Variants in KCNMB2 observed in about 807,000 individuals in gnomAD.
KCNMB2 encodes the protein calcium-activated potassium channel subunit beta-2.
KCNMB2 carries 9 observed loss-of-function variants against 24.5 expected under a neutral mutation model. That is an observed-to-expected ratio of 0.37 (90% CI 0.22 to 0.64). The LOEUF is 0.64. Among genes scored for constraint, KCNMB2 ranks in the 30% least tolerant of loss-of-function variants. KCNMB2 has a pLI of 0.63. For missense variants in KCNMB2, 226 were observed against 284.3 expected (o/e 0.79, Z 1.47); for synonymous variants, 109 against 104.4 (o/e 1.04, Z -0.27).
At chr3:178,656,201 A>G (rs1459492055) in intron 1 of KCNMB2, among the ~76,000 whole-genome samples, 1 of 152,198 alleles carries the variant, frequency 6.6e-6, no homozygotes, top group African/African-American at 2.4e-5. Flanking sequence ...TTCTTCTGAG[A>G]TATCTTCACA....
intron 1 of KCNMB2, among the ~76,000 whole-genome samples, chr3:178,775,762 T>C (rs1457507335): frequency 1.3e-5 from 2 of 152,080 alleles, no homozygotes; most frequent in Non-Finnish European, 2.9e-5. Context: ...TTTGCTTGAG[T>C]TTTGACACAG....
At position 178,755,850 on chromosome 3, in the gene KCNMB2, ATAT is replaced by A. The variant is rs1724013067; in HGVS notation, c.-67-51489_-67-51487del. Among the ~76,000 whole-genome samples, 7 of 152,342 alleles carry A rather than the reference ATAT, an allele frequency of 4.6e-5. No homozygotes were observed. The South Asian group carries it at 1.5e-3, about 32-fold the overall frequency. On this transcript the variant is annotated intron_variant, in intron 1 of 4. Transcript: ENST00000452583. Reference sequence around the variant, plus strand: ...TTTCAAAATTAGCCACATGCCTAAAATATTATATTTCAAGTCACCCAAGGCAGA... The same window carrying A: ...TTTCAAAATTAGCCACATGCCTAAAATATATTTCAAGTCACCCAAGGCAGA...
chr3:178,591,983 A>G (rs940333253), intron 1 of KCNMB2, among the ~76,000 whole-genome samples: 7 of 152,104 alleles, frequency 4.6e-5, no homozygotes, highest in Non-Finnish European at 8.8e-5. Flanking sequence ...TTTGGTGAAA[A>G]TTACTGAATA....
intron 1 of KCNMB2, among the ~76,000 whole-genome samples, chr3:178,757,761 TA>T (rs1724186669): frequency 1.1e-5 from 1 of 89,062 alleles, no homozygotes; most frequent in African/African-American, 3.4e-5. Flanking sequence ...AGAGGATATA[TA>T]TATATATCCA....
chr3:178,828,152 G>A, intron 3 of KCNMB2, 26 bp from the exon 4 acceptor site: 2 of 1,584,042 alleles, frequency 1.3e-6, no homozygotes, highest in Non-Finnish European at 8.7e-7. Flanking sequence ...TTGGGCCTGT[G>A]TTTACTCTCA....
intron 1 of KCNMB2, among the ~76,000 whole-genome samples, chr3:178,780,084 T>C (rs1294511221): frequency 2.0e-5 from 3 of 149,432 alleles, no homozygotes; most frequent in Non-Finnish European, 4.4e-5. Context: ...CACTATGAAA[T>C]TATGGGTTAA....
At chr3:178,739,280 T>G (rs1723418985) in intron 1 of KCNMB2, among the ~76,000 whole-genome samples, 1 of 152,104 alleles carries the variant, frequency 6.6e-6, no homozygotes, top group African/African-American at 2.4e-5. Context: ...CCTGCCCGCC[T>G]CAAGTGATAA....
At chr3:178,558,976 G>A (rs1166583140) in intron 1 of KCNMB2, 5 of 152,212 alleles carry the variant, frequency 3.3e-5, no homozygotes, top group East Asian at 3.8e-4. Context: ...AGGGCAGCAC[G>A]CGCTGTGGGT....
At chr3:178,686,232 T>G (rs1482324666) in intron 1 of KCNMB2, among the ~76,000 whole-genome samples, 1 of 152,196 alleles carries the variant, frequency 6.6e-6, no homozygotes, top group Non-Finnish European at 1.5e-5. Flanking sequence ...GCATACACAT[T>G]TATTTAATAA....
intron 1 of KCNMB2, among the ~76,000 whole-genome samples, chr3:178,615,917 C>G (rs1205037411): frequency 2.0e-5 from 3 of 152,106 alleles, no homozygotes; most frequent in Admixed American, 1.3e-4. Flanking sequence ...TCCTTTCCTT[C>G]AAGGCAGTGG....
At chr3:178,740,168 G>A (rs1036809209) in intron 1 of KCNMB2, among the ~76,000 whole-genome samples, 3 of 151,538 alleles carry the variant, frequency 2.0e-5, no homozygotes, top group Admixed American at 1.3e-4. Context: ...GCCCAGGCTG[G>A]AGTGCAATGG....
intron 2 of KCNMB2, chr3:178,820,675 C>T (rs1168566518): frequency 6.6e-6 from 1 of 152,610 alleles, no homozygotes; most frequent in East Asian, 1.9e-4. Flanking sequence ...CAAGAAACTA[C>T]ATAAAAGGAG....
chr3:178,739,862 G>A (rs570262465), intron 1 of KCNMB2, among the ~76,000 whole-genome samples: 2 of 152,154 alleles, frequency 1.3e-5, no homozygotes, highest in Non-Finnish European at 2.9e-5. Context: ...ATTATGCTAG[G>A]TCAGTGGGAA....
chr3:178,691,983 T>G (rs773467668), intron 1 of KCNMB2, among the ~76,000 whole-genome samples: 10 of 152,234 alleles, frequency 6.6e-5, no homozygotes, highest in Admixed American at 1.3e-4. Flanking sequence ...GTGGTTTTGA[T>G]TTCATTTCTC....
intron 1 of KCNMB2, among the ~76,000 whole-genome samples, chr3:178,802,138 AAAC>A (rs1713796600): frequency 6.6e-6 from 1 of 152,182 alleles, no homozygotes; most frequent in South Asian, 2.1e-4. Context: ...CCTGAAGCCA[AAAC>A]AACTCAGTTC....
intron 4 of KCNMB2, among the ~76,000 whole-genome samples, chr3:178,831,984 TTTATG>T (rs545380922): frequency 1.0e-3 from 156 of 152,328 alleles, no homozygotes; most frequent in Non-Finnish European, 1.6e-3. Context: ...TATTATCATT[TTTATG>T]TTATGTATAC....
At chr3:178,598,612 C>G (rs181924256) in intron 1 of KCNMB2, among the ~76,000 whole-genome samples, 1 of 151,864 alleles carries the variant, frequency 6.6e-6, no homozygotes, top group Admixed American at 6.6e-5. Flanking sequence ...CAGCATGGAA[C>G]TGGTGATGTT....
At chr3:178,636,048 C>T in intron 1 of KCNMB2, among the ~76,000 whole-genome samples, 1 of 152,128 alleles carries the variant, frequency 6.6e-6, no homozygotes, top group East Asian at 1.9e-4. Context: ...TAATTTTGAA[C>T]TTTGATTTTA....
At chr3:178,613,970 C>T (rs568479890) in intron 1 of KCNMB2, among the ~76,000 whole-genome samples, 2 of 151,700 alleles carry the variant, frequency 1.3e-5, no homozygotes, top group East Asian at 2.0e-4. Context: ...TTTTCTTGAT[C>T]CTGTAGGTGT....
Sources: gnomAD v4.1 joint callset for allele counts (sites outside exome capture counted in the v4.1 genomes callset) on GRCh38, gnomAD v4.1.1 for gene constraint, MANE v1.5 for transcripts, NCBI Gene and HGNC (gene_info 2026-07-23, HGNC 2026-07-21) for gene names.